CNTN4: variants seen among roughly 807,000 people sequenced by gnomAD.
The protein encoded by CNTN4 is contactin 4, also known as contactin-4.
Under a neutral mutation model 122.5 loss-of-function variants are expected in CNTN4, and 77 were observed. The ratio of observed to expected loss-of-function variants is 0.63; its 90% CI spans 0.52 to 0.76. The LOEUF (loss-of-function observed/expected upper bound fraction) is 0.76. CNTN4 is among the 30% of genes least tolerant of loss of function. The pLI is 0.00. For synonymous variants in CNTN4, 512 were observed against 447.0 expected (o/e 1.15, Z -1.83); for missense variants, 1,256 against 1,259.1 (o/e 1.00, Z 0.04).
chr3:2,775,015 C>T (rs2091260311), intron 6 of CNTN4, among the ~76,000 whole-genome samples: 1 of 152,188 alleles, frequency 6.6e-6, no homozygotes, highest in Admixed American at 6.5e-5. Flanking sequence ...ATAACGTTCA[C>T]CCAGCAGCCT....
intron 3 of CNTN4, among the ~76,000 whole-genome samples, chr3:2,358,488 G>C (rs1176586812): frequency 2.6e-5 from 4 of 151,358 alleles, no homozygotes; most frequent in African/African-American, 9.7e-5. Flanking sequence ...GAATGCTCTT[G>C]GTGACTGGAA....
chr3:2,816,203 A>T (rs2092723879), intron 6 of CNTN4, among the ~76,000 whole-genome samples: 1 of 148,640 alleles, frequency 6.7e-6, no homozygotes, highest in Admixed American at 6.6e-5. Context: ...AAATACAAAA[A>T]ATTAGCCGGG....
intron 2 of CNTN4, among the ~76,000 whole-genome samples, chr3:2,156,342 T>C (rs968567710): frequency 6.6e-6 from 1 of 152,148 alleles, no homozygotes; most frequent in African/African-American, 2.4e-5. Context: ...TTGCGCTTCA[T>C]AGGCCATGTG....
At chr3:2,495,922 A>G (rs1191897670) in intron 3 of CNTN4, among the ~76,000 whole-genome samples, 1 of 152,214 alleles carries the variant, frequency 6.6e-6, no homozygotes, top group Non-Finnish European at 1.5e-5. Context: ...CATAGCACAG[A>G]GAAGGCACAG....
chr3:2,718,798 G>A (rs964760392), intron 4 of CNTN4, among the ~76,000 whole-genome samples: 3 of 152,062 alleles, frequency 2.0e-5, no homozygotes, highest in African/African-American at 7.2e-5. Flanking sequence ...TGTTGTGAAA[G>A]TTTTACTATA....
intron 3 of CNTN4, among the ~76,000 whole-genome samples, chr3:2,514,988 C>G (rs1293669460): frequency 1.1e-4 from 16 of 151,844 alleles, no homozygotes; most frequent in Admixed American, 1.1e-3. Flanking sequence ...GTCCCGTTCC[C>G]TGTTCTCCTC....
intron 6 of CNTN4, among the ~76,000 whole-genome samples, chr3:2,806,706 C>G (rs972591668): frequency 6.6e-6 from 1 of 152,144 alleles, no homozygotes; most frequent in Non-Finnish European, 1.5e-5. Context: ...GTTACATGAA[C>G]TAAGATGACT....
At chr3:2,293,435 A>G (rs769960698) in intron 2 of CNTN4, among the ~76,000 whole-genome samples, 1 of 152,208 alleles carries the variant, frequency 6.6e-6, no homozygotes, top group Non-Finnish European at 1.5e-5. Context: ...GCAGAATGGC[A>G]TAGTATTTAT....
intron 6 of CNTN4, among the ~76,000 whole-genome samples, chr3:2,773,250 A>G (rs957280803): frequency 6.6e-6 from 1 of 152,162 alleles, no homozygotes; most frequent in Non-Finnish European, 1.5e-5. Flanking sequence ...GTGTTGCTTT[A>G]TATATTTTTT....
chr3:2,270,415 G>T (rs1153490), intron 2 of CNTN4, among the ~76,000 whole-genome samples: 3 of 151,410 alleles, frequency 2.0e-5, no homozygotes, highest in Non-Finnish European at 4.4e-5. Context: ...TTGGGGAAGG[G>T]GGGGAATGAG....
chr3:2,982,336 G>A (rs1694105115), intron 13 of CNTN4, among the ~76,000 whole-genome samples: 1 of 151,972 alleles, frequency 6.6e-6, no homozygotes, highest in Non-Finnish European at 1.5e-5. Context: ...CAATTTCTTG[G>A]AAAGATTGCA....
At chr3:2,219,312 T>G (rs1161029041) in intron 2 of CNTN4, among the ~76,000 whole-genome samples, 1 of 152,240 alleles carries the variant, frequency 6.6e-6, no homozygotes, top group Non-Finnish European at 1.5e-5. Flanking sequence ...TTGTTTTGGA[T>G]TTTTGTGTCC....
intron 4 of CNTN4, among the ~76,000 whole-genome samples, chr3:2,685,633 C>G (rs1308184113): frequency 6.6e-6 from 1 of 152,096 alleles, no homozygotes; most frequent in Non-Finnish European, 1.5e-5. Context: ...ATGAGAAAAC[C>G]TAACTGCTTT....
chr3:2,820,108 G>T (rs896815948), intron 7 of CNTN4, among the ~76,000 whole-genome samples: 9 of 152,126 alleles, frequency 5.9e-5, no homozygotes, highest in African/African-American at 2.2e-4. Context: ...GATGGTTAGT[G>T]TCAGAACTCA....
chr3:2,588,096 T>G (rs2080288572), intron 4 of CNTN4, among the ~76,000 whole-genome samples: 1 of 152,088 alleles, frequency 6.6e-6, no homozygotes, highest in Non-Finnish European at 1.5e-5. Context: ...TTGAAGGAAC[T>G]TTATCACAGC....
intron 3 of CNTN4, among the ~76,000 whole-genome samples, chr3:2,549,738 C>G (rs146486711): frequency 1.0e-3 from 155 of 152,244 alleles, no homozygotes; most frequent in Admixed American, 2.6e-3. Flanking sequence ...AGGAGTCCTT[C>G]TTTTTCTGTT....
chr3:2,124,149 C>A (rs761423040), intron 2 of CNTN4, among the ~76,000 whole-genome samples: 4 of 151,448 alleles, frequency 2.6e-5, no homozygotes, highest in Non-Finnish European at 4.4e-5. Context: ...CCAGAAGTCA[C>A]GTAAAATTCC....
intron 2 of CNTN4, among the ~76,000 whole-genome samples, chr3:2,271,393 A>G (rs1464743633): frequency 6.6e-6 from 1 of 152,166 alleles, no homozygotes. Context: ...TATTTTAAAG[A>G]TAATTACATG....
chr3:2,736,562 C>G (rs956481200), intron 5 of CNTN4, among the ~76,000 whole-genome samples: 4 of 151,564 alleles, frequency 2.6e-5, no homozygotes, highest in Non-Finnish European at 5.9e-5. Flanking sequence ...CTCCCAGGTT[C>G]AAGCGATTCT....
Sources: allele counts gnomAD v4.1 joint callset (sites outside exome capture counted in the v4.1 genomes callset), GRCh38; gene constraint gnomAD v4.1.1; transcripts MANE v1.5; gene names NCBI Gene and HGNC (gene_info 2026-07-23, HGNC 2026-07-21).